IL1RAPL2: variants seen among roughly 807,000 people sequenced by gnomAD.
IL1RAPL2 encodes the protein X-linked interleukin-1 receptor accessory protein-like 2.
Under a neutral mutation model 44.1 loss-of-function variants are expected in IL1RAPL2, and 3 were observed. The observed-to-expected ratio is 0.07, with a 90% CI of 0.03 to 0.18. IL1RAPL2 has a LOEUF of 0.18. Among genes scored for constraint, IL1RAPL2 ranks in the 10% least tolerant of loss-of-function variants. The probability of loss-of-function intolerance (pLI) is 1.00; values close to 1 mark genes in which losing one functional copy is unlikely to be tolerated. For missense variants in IL1RAPL2, 391 were observed against 496.4 expected (o/e 0.79, Z 2.02); for synonymous variants, 181 against 178.8 (o/e 1.01, Z -0.10).
At chrX:104,853,544 G>A (rs188692256) in intron 2 of IL1RAPL2, among the ~76,000 whole-genome samples, 29 of 111,162 alleles carry the variant, frequency 2.6e-4, no homozygotes, top group African/African-American at 7.8e-4. Flanking sequence ...AAACTTTGGA[G>A]CATTACACAA....
chrX:105,328,227 A>G, intron 5 of IL1RAPL2, among the ~76,000 whole-genome samples: 1 of 112,299 alleles, frequency 8.9e-6, no homozygotes, highest in Middle Eastern at 4.6e-3. Flanking sequence ...AAGTTGTAAC[A>G]GTCCTCACAT....
At chrX:104,938,078 C>T (rs1925068783) in intron 2 of IL1RAPL2, among the ~76,000 whole-genome samples, 1 of 112,083 alleles carries the variant, frequency 8.9e-6, no homozygotes, top group African/African-American at 3.2e-5. Context: ...TGATTAAACA[C>T]AAAGCTTGAA....
At chrX:104,917,457 A>G (rs768901700) in intron 2 of IL1RAPL2, among the ~76,000 whole-genome samples, 2 of 111,596 alleles carry the variant, frequency 1.8e-5, no homozygotes, top group East Asian at 2.8e-4. Context: ...GAGTTTCTCT[A>G]TTTGATTTTT....
At chrX:104,712,469 A>G (rs1931478629) in intron 2 of IL1RAPL2, among the ~76,000 whole-genome samples, 1 of 110,586 alleles carries the variant, frequency 9.0e-6, no homozygotes, top group Non-Finnish European at 1.9e-5. Context: ...CTTTAGACCT[A>G]TATGTTTACA....
chrX:105,344,253 A>G (rs2035093519), intron 5 of IL1RAPL2, among the ~76,000 whole-genome samples: 1 of 112,036 alleles, frequency 8.9e-6, no homozygotes, highest in Non-Finnish European at 1.9e-5. Context: ...AGAAATTATA[A>G]TAGGACAAAG....
At chrX:105,549,795 T>C (rs1602463108) in intron 6 of IL1RAPL2, among the ~76,000 whole-genome samples, 1 of 111,854 alleles carries the variant, frequency 8.9e-6, no homozygotes, top group Non-Finnish European at 1.9e-5. Context: ...GCAACATTTC[T>C]TAACTCCCGA....
intron 5 of IL1RAPL2, among the ~76,000 whole-genome samples, chrX:105,403,903 A>C (rs1038830308): frequency 7.2e-5 from 8 of 111,466 alleles, no homozygotes; most frequent in Non-Finnish European, 1.5e-4. Context: ...TTGTTAACGT[A>C]ATAATTTATC....
intron 5 of IL1RAPL2, among the ~76,000 whole-genome samples, chrX:105,305,500 C>T (rs758671971): frequency 9.0e-6 from 1 of 110,737 alleles, no homozygotes; most frequent in South Asian, 3.9e-4. Flanking sequence ...ACTCCTTTCT[C>T]TGTCTCCCCA....
chrX:104,570,944 G>GT (rs112546510), intron 1 of IL1RAPL2, among the ~76,000 whole-genome samples: 2,959 of 100,628 alleles, frequency 0.029, 52 homozygotes, highest in Middle Eastern at 0.11. Context: ...GCAAACTTTT[G>GT]TTTTTTTTTT....
intron 6 of IL1RAPL2, among the ~76,000 whole-genome samples, chrX:105,703,086 GA>G (rs1396549974): frequency 9.0e-6 from 1 of 111,645 alleles, no homozygotes; most frequent in Non-Finnish European, 1.9e-5. Context: ...ATCAGGACCT[GA>G]AAATCCTCTA....
At chrX:104,652,551 A>G (rs149725240) in intron 1 of IL1RAPL2, among the ~76,000 whole-genome samples, 20 of 112,095 alleles carry the variant, frequency 1.8e-4, no homozygotes, top group Non-Finnish European at 3.0e-4. Context: ...GCCCTCATGA[A>G]GTTTACATTC....
chrX:105,626,630 G>A (rs1275023417), intron 6 of IL1RAPL2, among the ~76,000 whole-genome samples: 2 of 110,979 alleles, frequency 1.8e-5, no homozygotes, highest in Non-Finnish European at 3.8e-5. Context: ...AGATTTAGTG[G>A]GTACAAGTGC....
intron 2 of IL1RAPL2, among the ~76,000 whole-genome samples, chrX:104,906,281 T>C (rs1310303698): frequency 9.0e-6 from 1 of 110,929 alleles, no homozygotes; most frequent in Non-Finnish European, 1.9e-5. Flanking sequence ...CTTTTCCTAA[T>C]TGAATACCCT....
At chrX:105,235,969 G>A (rs1435714663) in intron 4 of IL1RAPL2, among the ~76,000 whole-genome samples, 2 of 112,256 alleles carry the variant, frequency 1.8e-5, no homozygotes, top group Admixed American at 9.5e-5. Flanking sequence ...TACCCTCTCC[G>A]GCAATGGGCC....
At chrX:105,542,873 T>C (rs1256038112) in intron 6 of IL1RAPL2, among the ~76,000 whole-genome samples, 1 of 109,652 alleles carries the variant, frequency 9.1e-6, no homozygotes, top group Non-Finnish European at 1.9e-5. Context: ...CTTTTATAAA[T>C]GAGGTAACTG....
At chrX:105,268,114 TGTTA>T (rs1348352303) in intron 5 of IL1RAPL2, among the ~76,000 whole-genome samples, 3 of 111,704 alleles carry the variant, frequency 2.7e-5, no homozygotes, top group African/African-American at 9.8e-5. Context: ...TATTCTTACT[TGTTA>T]GAGAATTTTA....
At chrX:104,782,877 C>G (rs1269385388) in intron 2 of IL1RAPL2, among the ~76,000 whole-genome samples, 1 of 111,828 alleles carries the variant, frequency 8.9e-6, no homozygotes, top group Non-Finnish European at 1.9e-5. Context: ...TGTATAGATG[C>G]TCTCCCATAG....
chrX:104,965,513 C>T (rs1034333504), intron 2 of IL1RAPL2, among the ~76,000 whole-genome samples: 5 of 111,382 alleles, frequency 4.5e-5, no homozygotes, highest in African/African-American at 1.3e-4. Flanking sequence ...TTTATCCTAA[C>T]AGGTCTTGTA....
intron 5 of IL1RAPL2, among the ~76,000 whole-genome samples, chrX:105,273,320 C>G (rs1363134838): frequency 2.7e-5 from 3 of 111,077 alleles, no homozygotes; most frequent in African/African-American, 9.8e-5. Context: ...TCCTGTCTCT[C>G]AGTCCCATTC....
Sources: allele counts gnomAD v4.1 joint callset (sites outside exome capture counted in the v4.1 genomes callset), GRCh38; gene constraint gnomAD v4.1.1; transcripts MANE v1.5; gene names NCBI Gene and HGNC (gene_info 2026-07-23, HGNC 2026-07-21).